Variants in MAJIN observed in about 807,000 individuals in gnomAD.
MAJIN encodes the protein membrane-anchored junction protein.
A neutral mutation model predicts 30.2 loss-of-function variants in MAJIN; 27 were observed. That is an observed-to-expected ratio of 0.89 (90% CI 0.66 to 1.23). The LOEUF is 1.23. Ranked by LOEUF, MAJIN falls within the 50% of genes most tolerant of loss-of-function variation. The probability of loss-of-function intolerance (pLI) is 0.00; values close to 1 mark genes in which losing one functional copy is unlikely to be tolerated. For synonymous variants in MAJIN, 78 were observed against 91.6 expected (o/e 0.85, Z 0.85); for missense variants, 253 against 260.3 (o/e 0.97, Z 0.19).
In MAJIN at chr11:64,950,356, G is replaced by C; in HGVS notation, c.222C>G (p.Pro74=). Residue 74 remains proline, a splice_region_variant and synonymous_variant, in exon 5 of 11, where the codon CCC becomes CCG. Coordinates refer to ENST00000301896, the MANE Select transcript of MAJIN (RefSeq NM_001037225.3). ...AAAAAAAAAAAAAAAAAAGGATACA[G>C]GGAAATACAATGAAGTGTTCTGTAG... ...PFATEHFIVF[P]YKSKWERVSH... 6.4e-7 allele frequency: 1 copy of C among 1,557,262 alleles called. No individual in the cohort carries two copies. The highest frequency in any genetic ancestry group is 8.8e-7 in the Non-Finnish European group (1 of 1,140,918).
chr11:64,945,024 C>T (rs1414506110), intron 8 of MAJIN, among the ~76,000 whole-genome samples: 1 of 152,082 alleles, frequency 6.6e-6, no homozygotes, highest in Admixed American at 6.5e-5. Flanking sequence ...TTTCTCTTAC[C>T]AGTTATCAGT....
intron 1 of MAJIN, among the ~76,000 whole-genome samples, chr11:64,966,093 C>T (rs1945802892): frequency 7.4e-6 from 1 of 135,720 alleles, no homozygotes; most frequent in Non-Finnish European, 1.5e-5. Context: ...TTTGATTACA[C>T]CATTGGGTGA....
intron 8 of MAJIN, among the ~76,000 whole-genome samples, chr11:64,945,845 A>C (rs1945442897): frequency 6.6e-6 from 1 of 152,214 alleles, no homozygotes; most frequent in South Asian, 2.1e-4. Flanking sequence ...CAAAGAGAGG[A>C]CTTTTTAACA....
chr11:64,947,923 G>C, intron 6 of MAJIN, 104 bp from the exon 7 acceptor site: 1 of 1,061,180 alleles, frequency 9.4e-7, no homozygotes, highest in Non-Finnish European at 1.4e-6. Context: ...GCAGTGGTGC[G>C]ATCTCGGCTC....
chr11:64,958,517 G>T (rs1373850964), intron 3 of MAJIN, among the ~76,000 whole-genome samples: 4 of 149,762 alleles, frequency 2.7e-5, no homozygotes, highest in Non-Finnish European at 5.9e-5. Flanking sequence ...TTCTCTGGAA[G>T]CTGAGGTGGG....
At chr11:64,967,310 G>A (rs1945827210) in intron 1 of MAJIN, among the ~76,000 whole-genome samples, 1 of 152,050 alleles carries the variant, frequency 6.6e-6, no homozygotes, top group African/African-American at 2.4e-5. Flanking sequence ...GGAGGCTGAG[G>A]CAGGAGAATC....
chr11:64,964,560 A>AT (rs1945777065), intron 1 of MAJIN, among the ~76,000 whole-genome samples: 1 of 151,834 alleles, frequency 6.6e-6, no homozygotes, highest in East Asian at 1.9e-4. Context: ...GACAAAGGCA[A>AT]TTCATTCTGG....
chr11:64,949,803 A>G lies in MAJIN; in HGVS notation c.289T>C (p.Tyr97His). ...FKHGEIILIP[Y>H]PFVFTLYVEM... ...ACATATAGAGTAAAAACAAATGGGTAGGGGATCAAGATAATTTCCCCATGT... is the reference window on the plus strand; with the variant it reads ...ACATATAGAGTAAAAACAAATGGGTGGGGGATCAAGATAATTTCCCCATGT... Residue 97 changes from tyrosine (Y) to histidine (H), a missense_variant, in exon 6 of 11, where the codon TAC (tyrosine) becomes CAC (histidine). By Grantham distance (83) the Tyr-to-His change is moderately conservative. Coordinates refer to ENST00000301896, the MANE Select transcript of MAJIN (RefSeq NM_001037225.3). 1 of 1,611,718 alleles carries G rather than the reference A, an allele frequency of 6.2e-7. No individual in the cohort carries two copies. Among genetic ancestry groups the G allele is most frequent in the South Asian group, 1.1e-5 (1 of 91,074 alleles).
chr11:64,943,234 ACT>A (rs759079027), intron 8 of MAJIN, among the ~76,000 whole-genome samples: 2 of 152,080 alleles, frequency 1.3e-5, no homozygotes, highest in Non-Finnish European at 2.9e-5. Context: ...ACGTGCAGTT[ACT>A]CTGTTTCATT....
intron 3 of MAJIN, among the ~76,000 whole-genome samples, chr11:64,956,154 G>C (rs1364311138): frequency 6.6e-6 from 1 of 152,152 alleles, no homozygotes; most frequent in African/African-American, 2.4e-5. Flanking sequence ...TAAAAAATTA[G>C]CTGGGCATGG....
Position 64,940,641 on chromosome 11 carries a change from C to T in MAJIN, c.479G>A (p.Gly160Glu), listed in dbSNP as rs1945360142. 1 of 1,613,698 alleles carries T rather than the reference C, an allele frequency of 6.2e-7. No individual in the cohort carries two copies. ...SPSRPGLDRI[G>E]KEKPNKDCRR... ...GCAATCCTTGTTGGGTTTTTCTTTC[C>T]CTATTCTGTTAAAAAGAAGACCAAG... The change falls in exon 9 of 11, where the codon GGG (glycine) becomes GAG (glutamate). Residue 160 changes from glycine (G) to glutamate (E), a missense_variant. Coordinates refer to ENST00000301896, the MANE Select transcript of MAJIN (RefSeq NM_001037225.3).
intron 1 of MAJIN, among the ~76,000 whole-genome samples, chr11:64,962,689 C>A (rs1003936441): frequency 2.4e-4 from 36 of 152,294 alleles, no homozygotes; most frequent in African/African-American, 8.2e-4. Context: ...TCTATGTCTA[C>A]AAATGGGGAT....
intron 3 of MAJIN, among the ~76,000 whole-genome samples, 193 bp from the exon 4 acceptor site, chr11:64,954,995 T>A (rs1273361566): frequency 6.6e-6 from 1 of 152,228 alleles, no homozygotes; most frequent in East Asian, 1.9e-4. Context: ...TGGTATAAAA[T>A]GACTTCTCAA....
At chr11:64,966,144 T>TAAAA (rs1945804233) in intron 1 of MAJIN, among the ~76,000 whole-genome samples, 2 of 10,390 alleles carry the variant, frequency 1.9e-4, no homozygotes, top group African/African-American at 7.9e-4. Context: ...AGATTAAAAA[T>TAAAA]GAAAAAAAAA....
At position 64,938,300 on chromosome 11, in the gene MAJIN, C is replaced by T. The variant is rs913417244; in HGVS notation, c.*275G>A. On this transcript the variant is annotated 3_prime_UTR_variant, in exon 11 of 11. Coordinates refer to ENST00000301896, the MANE Select transcript of MAJIN (RefSeq NM_001037225.3). ...AAGACAAAAGGCCTAAACCGGCCCT[C>T]AGGACATGAACATTTTAGAAAGTTC... The T allele has an allele frequency of 3.9e-6, 2 of 513,352 alleles. No homozygotes were observed. The highest frequency in any genetic ancestry group is 3.8e-5 in the African/African-American group (2 of 52,476). 31.8% of individuals were successfully genotyped at this position (513,352 alleles called of 1,614,324 possible). A position where few individuals can be genotyped will look rare whatever the true frequency, so the allele number is the denominator to read the frequency against.
intron 1 of MAJIN, among the ~76,000 whole-genome samples, chr11:64,966,732 G>A (rs557626590): frequency 6.6e-5 from 10 of 150,986 alleles, no homozygotes; most frequent in African/African-American, 2.2e-4. Context: ...TCAGGAGTTC[G>A]AGACCAGCCT....
chr11:64,953,558 C>T (rs1363475061), intron 4 of MAJIN, among the ~76,000 whole-genome samples: 3 of 152,050 alleles, frequency 2.0e-5, no homozygotes, highest in Non-Finnish European at 4.4e-5. Flanking sequence ...TTTGGGAGGC[C>T]GAGGCTGGTG....
In MAJIN at chr11:64,967,309, G is replaced by T. The variant is rs557709631; in HGVS notation, c.-65+4568C>A. Among the ~76,000 whole-genome samples, 9 of 152,168 alleles carry T rather than the reference G, an allele frequency of 5.9e-5. No individual in the cohort carries two copies. The South Asian group carries it at 1.9e-3, about 32-fold the overall frequency. ...TAATCCCAGCTACTCTGGAGGCTGA[G>T]GCAGGAGAATCACTTGAACTCAGGA... On this transcript the variant is annotated intron_variant, in intron 1 of 10. Transcript: ENST00000301896.
chr11:64,964,700 C>T (rs1945779854), intron 1 of MAJIN, among the ~76,000 whole-genome samples: 1 of 151,704 alleles, frequency 6.6e-6, no homozygotes, highest in African/African-American at 2.4e-5. Flanking sequence ...AATTCTCATG[C>T]CTCGGCGTCT....
Sources: allele counts gnomAD v4.1 joint callset (sites outside exome capture counted in the v4.1 genomes callset), GRCh38; gene constraint gnomAD v4.1.1; transcripts MANE v1.5; gene names NCBI Gene and HGNC (gene_info 2026-07-23, HGNC 2026-07-21).